The following SLC60A2 variants were observed in gnomAD, a reference collection of about 807,000 sequenced individuals.
SLC60A2 encodes major facilitator superfamily domain containing 4B.
At chr6:111,274,531 C>G in the SLC60A2 span, among the ~76,000 whole-genome samples, 3 of 152,146 alleles carry the variant, frequency 2.0e-5, no homozygotes, top group Non-Finnish European at 2.9e-5. Flanking sequence ...CTGTTATTGA[C>G]AGGTGAAGAC....
the SLC60A2 span, chr6:111,262,462 C>T: frequency 6.4e-7 from 1 of 1,555,012 alleles, no homozygotes; most frequent in Non-Finnish European, 8.8e-7. Flanking sequence ...TTATGACTGT[C>T]AAGTGAATTT....
At chr6:111,266,512 A>G in the SLC60A2 span, 1 of 1,614,204 alleles carries the variant, frequency 6.2e-7, no homozygotes, top group Non-Finnish European at 8.5e-7. Context: ...CTTTTTGACA[A>G]GAACCCAATT....
chr6:111,272,441 T>C, the SLC60A2 span, among the ~76,000 whole-genome samples: 4 of 152,146 alleles, frequency 2.6e-5, no homozygotes, highest in African/African-American at 9.7e-5. Context: ...TTCAGTTATA[T>C]ACTGGATTAT....
chr6:111,263,708 C>G, the SLC60A2 span: 2 of 566,958 alleles, frequency 3.5e-6, no homozygotes, highest in Non-Finnish European at 6.4e-6. Flanking sequence ...AGCAAAAACT[C>G]TCATCTACTC....
chr6:111,270,859 A>T, the SLC60A2 span: 1 of 152,202 alleles, frequency 6.6e-6, no homozygotes, highest in African/African-American at 2.4e-5. Context: ...AAAAAACAAA[A>T]ATATTCAACT....
the SLC60A2 span, among the ~76,000 whole-genome samples, chr6:111,264,841 C>G: frequency 2.0e-5 from 3 of 150,590 alleles, no homozygotes; most frequent in East Asian, 3.9e-4. Context: ...CGCCTATAAT[C>G]CTAGCACTTT....
chr6:111,269,862 A>G, the SLC60A2 span: 1 of 152,196 alleles, frequency 6.6e-6, no homozygotes, highest in Non-Finnish European at 1.5e-5. Context: ...TATCCTGCTG[A>G]TCAGTTCTTA....
chr6:111,269,722 C>T, the SLC60A2 span: 1 of 152,128 alleles, frequency 6.6e-6, no homozygotes, highest in Non-Finnish European at 1.5e-5. Flanking sequence ...GGCAGAAAAT[C>T]TCAAAATCTA....
the SLC60A2 span, among the ~76,000 whole-genome samples, chr6:111,275,610 A>G: frequency 1.3e-5 from 2 of 152,000 alleles, no homozygotes; most frequent in African/African-American, 2.4e-5. Context: ...GGGTTTCACA[A>G]TGTTGGTCAG....
chr6:111,265,233 G>A, the SLC60A2 span: 1 of 911,892 alleles, frequency 1.1e-6, no homozygotes, highest in Non-Finnish European at 1.3e-6. Context: ...GAAATTATAG[G>A]GTAGAATTAT....
At chr6:111,260,111 A>C in the SLC60A2 span, among the ~76,000 whole-genome samples, 1 of 152,072 alleles carries the variant, frequency 6.6e-6, no homozygotes, top group African/African-American at 2.4e-5. Flanking sequence ...GGGCTTCGCC[A>C]TGTTGGCCAG....
chr6:111,274,092 G>C, the SLC60A2 span, among the ~76,000 whole-genome samples: 1 of 152,164 alleles, frequency 6.6e-6, no homozygotes, highest in African/African-American at 2.4e-5. Context: ...CTGGGCTCAA[G>C]CATTCCTCCC....
the SLC60A2 span, chr6:111,270,557 G>A: frequency 6.6e-6 from 1 of 152,110 alleles, no homozygotes; most frequent in African/African-American, 2.4e-5. Flanking sequence ...TAAAAAACAG[G>A]AAGGCTGGGC....
the SLC60A2 span, among the ~76,000 whole-genome samples, chr6:111,279,557 T>C: frequency 3.3e-5 from 5 of 152,102 alleles, no homozygotes; most frequent in African/African-American, 1.2e-4. Flanking sequence ...CTGTGCACTT[T>C]CTTAAAGGAA....
chr6:111,277,587 A>G, the SLC60A2 span, among the ~76,000 whole-genome samples: 3 of 152,154 alleles, frequency 2.0e-5, no homozygotes, highest in Admixed American at 2.0e-4. Flanking sequence ...CACCAAGCTT[A>G]TGTTTTTCTA....
the SLC60A2 span, chr6:111,266,749 C>T: frequency 6.2e-7 from 1 of 1,614,132 alleles, no homozygotes; most frequent in South Asian, 1.1e-5. Context: ...GCATCAATAG[C>T]TACTGGTATT....
chr6:111,262,157 C>A, the SLC60A2 span: 1 of 915,532 alleles, frequency 1.1e-6, no homozygotes, highest in Non-Finnish European at 1.6e-6. Flanking sequence ...AAATCCCAGA[C>A]CCTCCGCCCC....
the SLC60A2 span, chr6:111,268,454 G>GTAAA: frequency 6.6e-6 from 1 of 152,196 alleles, no homozygotes; most frequent in African/African-American, 2.4e-5. Flanking sequence ...GTGAAATACA[G>GTAAA]TAATTCATTC....
At chr6:111,272,767 C>G in the SLC60A2 span, among the ~76,000 whole-genome samples, 1 of 149,170 alleles carries the variant, frequency 6.7e-6, no homozygotes, top group African/African-American at 2.5e-5. Context: ...CCACCTTGAC[C>G]TCTCAAAGTT....
Sources: allele counts gnomAD v4.1 joint callset (sites outside exome capture counted in the v4.1 genomes callset), GRCh38; gene constraint gnomAD v4.1.1; transcripts MANE v1.5; gene names NCBI Gene and HGNC (gene_info 2026-07-23, HGNC 2026-07-21).